ADAMTS2: variants seen among roughly 807,000 people sequenced by gnomAD.
ADAMTS2 encodes the protein ADAM metallopeptidase with thrombospondin type 1 motif 2.
A neutral mutation model predicts 123.0 loss-of-function variants in ADAMTS2; 50 were observed. The ratio of observed to expected loss-of-function variants is 0.41; its 90% CI spans 0.32 to 0.51. The LOEUF is 0.51. Among genes scored for constraint, ADAMTS2 ranks in the 20% least tolerant of loss-of-function variants. ADAMTS2 has a pLI of 0.35. For synonymous variants in ADAMTS2, 678 were observed against 695.4 expected, an observed-to-expected ratio of 0.98 and a Z score of 0.39; for missense variants, 1,494 against 1,705.2, an observed-to-expected ratio of 0.88 and a Z score of 2.18.
chr5:179,344,742 A>T (rs1757891265), intron 1 of ADAMTS2, among the ~76,000 whole-genome samples: 1 of 152,066 alleles, frequency 6.6e-6, no homozygotes, highest in African/African-American at 2.4e-5. Context: ...GGAGGGGTGG[A>T]ACAGGGTCCC....
rs567081877 is a variant in ADAMTS2 at position 179,303,034 on chromosome 5, G to T, written c.535-29970C>A. Among the ~76,000 whole-genome samples, 120 of 152,000 alleles carry T rather than the reference G, an allele frequency of 7.9e-4. No homozygotes were observed. Among genetic ancestry groups the T allele is most frequent in the African/African-American group, 2.8e-3 (114 of 41,452 alleles). On this transcript the variant is annotated intron_variant, in intron 2 of 21. Transcript: ENST00000251582. This position sits in a 1 kb window ranked among gnomAD's most constrained non-coding sequence, Gnocchi z 4.7. ...CAGGAGGTCAGAGTGGTGGGCGGGGGCAGACTGCACAGAGCTTCCTCTGCT... is the reference window on the plus strand; with the variant it reads ...CAGGAGGTCAGAGTGGTGGGCGGGGTCAGACTGCACAGAGCTTCCTCTGCT...
chr5:179,315,777 C>T (rs757083744), intron 2 of ADAMTS2, among the ~76,000 whole-genome samples: 11 of 152,246 alleles, frequency 7.2e-5, no homozygotes, highest in Middle Eastern at 3.4e-3. Flanking sequence ...GTGGCTGCAC[C>T]GAAGAGCAGA....
chr5:179,333,048 C>A (rs764567632), intron 2 of ADAMTS2, among the ~76,000 whole-genome samples: 1 of 152,190 alleles, frequency 6.6e-6, no homozygotes, highest in East Asian at 1.9e-4. Flanking sequence ...CATGCGACGG[C>A]GGCTGCCTTC....
At chr5:179,329,116 A>T (rs531624301) in intron 2 of ADAMTS2, among the ~76,000 whole-genome samples, 14 of 152,304 alleles carry the variant, frequency 9.2e-5, no homozygotes, top group African/African-American at 2.6e-4. Flanking sequence ...TCACGAGGTC[A>T]GGAGATGGAG....
rs1042624885 is a variant in ADAMTS2, at chr5:179,121,456, A to G, written c.3178+205T>C. On this transcript the variant is annotated intron_variant, in intron 21 of 21. Transcript: ENST00000251582. Reference sequence around the variant, plus strand: ...ATCACCAACCAGGTTCGGCCCCAGCAGAGGCCCGAGCCCCCGCCAGCAGGC... The same window carrying G: ...ATCACCAACCAGGTTCGGCCCCAGCGGAGGCCCGAGCCCCCGCCAGCAGGC... 7 of 404,236 alleles carry G rather than the reference A, an allele frequency of 1.7e-5. No homozygotes were observed. The South Asian group carries it at 4.1e-4, about 24-fold the overall frequency. 25.0% of individuals were successfully genotyped at this position (404,236 alleles called of 1,614,324 possible).
At chr5:179,300,094 CAAAAAAA>C (rs59939578) in intron 2 of ADAMTS2, among the ~76,000 whole-genome samples, 1 of 102,334 alleles carries the variant, frequency 9.8e-6, no homozygotes, top group African/African-American at 3.9e-5. Context: ...GACTCCGTCT[CAAAAAAA>C]AAAAAAAAAA....
chr5:179,205,325 T>A (rs1287558695), intron 4 of ADAMTS2, among the ~76,000 whole-genome samples: 2 of 152,190 alleles, frequency 1.3e-5, no homozygotes, highest in Admixed American at 1.3e-4. Context: ...ACTGTCATGA[T>A]AACAAAACCA....
At chr5:179,216,838 C>T (rs1438799238) in intron 3 of ADAMTS2, among the ~76,000 whole-genome samples, 3 of 152,240 alleles carry the variant, frequency 2.0e-5, no homozygotes, top group Admixed American at 6.5e-5. Flanking sequence ...ATACAGGTAG[C>T]AAACGGTGCT....
At chr5:179,172,476 G>A (rs936098337) in intron 5 of ADAMTS2, among the ~76,000 whole-genome samples, 1 of 152,250 alleles carries the variant, frequency 6.6e-6, no homozygotes, top group East Asian at 1.9e-4. Context: ...CCAGGAGGGT[G>A]GTGCCTGCTA....
rs1348931199 is a variant in ADAMTS2, at chr5:179,303,604, C to T, written c.535-30540G>A. ...AGCTCAAGGATAGAAAAAGCATTTCCGAATGCTCAGAGCCAAGCCAACACC... is the reference window on the plus strand; with the variant it reads ...AGCTCAAGGATAGAAAAAGCATTTCTGAATGCTCAGAGCCAAGCCAACACC... On this transcript the variant is annotated intron_variant, in intron 2 of 21. Transcript: ENST00000251582. The surrounding 1 kb of genome is among the most constrained non-coding windows in gnomAD (Gnocchi z 4.7). Among the ~76,000 whole-genome samples the T allele has an allele frequency of 6.6e-6, 1 of 152,190 alleles. No individual in the cohort carries two copies. The highest frequency in any genetic ancestry group is 1.5e-5 in the Non-Finnish European group (1 of 68,040).
At chr5:179,278,782 C>T (rs945698472) in intron 2 of ADAMTS2, among the ~76,000 whole-genome samples, 6 of 152,018 alleles carry the variant, frequency 3.9e-5, no homozygotes, top group Admixed American at 2.0e-4. Flanking sequence ...TGGTAGTACC[C>T]GGGTCATCAA....
intron 4 of ADAMTS2, among the ~76,000 whole-genome samples, chr5:179,195,275 G>A (rs1030481605): frequency 6.6e-6 from 1 of 152,118 alleles, no homozygotes; most frequent in African/African-American, 2.4e-5. Flanking sequence ...CACTTTCCTG[G>A]TGTTCAACTC....
chr5:179,299,530 AACACACAC>A lies in ADAMTS2; in HGVS notation c.535-26474_535-26467del, dbSNP rs3986821. Among the ~76,000 whole-genome samples the A allele has an allele frequency of 2.0e-3, 241 of 120,522 alleles. 1 individual carries two copies. The highest frequency in any genetic ancestry group is 6.8e-3 in the African/African-American group (215 of 31,764). The allele number at this position is 120,522 out of a possible 152,430, so 79.1% of individuals were successfully genotyped here. On this transcript the variant is annotated intron_variant, in intron 2 of 21. Coordinates refer to ENST00000251582, the MANE Select transcript of ADAMTS2 (RefSeq NM_014244.5). ...GGCAACAGATCAAGACTCCAACTCAAACACACACACACACACACACACACACACACATT... is the reference window on the plus strand; with the variant it reads ...GGCAACAGATCAAGACTCCAACTCAAACACACACACACACACACACACATT...
Position 179,158,798 on chromosome 5 carries a change from C to T in ADAMTS2, c.1057G>A (p.Asp353Asn), listed in dbSNP as rs1264410712. ...TCGTGGTATTCATCGTGGCCCGTGT[C>T]TGGCTTCTGCTGGAGGTAGGCCCAG... ...CRWAYLQQKP[D>N]TGHDEYHDHA... The change falls in exon 6 of 22, where the codon GAC (aspartate) becomes AAC (asparagine). Residue 353 changes from aspartate to asparagine, a missense_variant. Around this residue, in one of 6 missense-constraint regions of ADAMTS2, gnomAD observed 70 missense variants for 85.3 expected, o/e 0.82. Transcript: ENST00000251582. This position sits in a 1 kb window ranked among gnomAD's most constrained non-coding sequence, Gnocchi z 5.0. 2.5e-6 allele frequency: 4 copies of T among 1,614,114 alleles called. No homozygotes were observed. Among genetic ancestry groups the T allele is most frequent in the Admixed American group, 3.3e-5 (2 of 60,010 alleles).
At chr5:179,204,839 C>T (rs934644205) in intron 4 of ADAMTS2, among the ~76,000 whole-genome samples, 6 of 152,216 alleles carry the variant, frequency 3.9e-5, no homozygotes, top group East Asian at 3.9e-4. Context: ...CTCTCTGCCA[C>T]GCCCCGCCGC....
intron 10 of ADAMTS2, among the ~76,000 whole-genome samples, chr5:179,147,869 G>C (rs1302787894): frequency 6.6e-6 from 1 of 152,204 alleles, no homozygotes; most frequent in African/African-American, 2.4e-5. Flanking sequence ...GGAATGAAAA[G>C]AGAAGTGCTG....
intron 3 of ADAMTS2, among the ~76,000 whole-genome samples, chr5:179,229,225 T>C (rs976034881): frequency 3.3e-5 from 5 of 152,138 alleles, no homozygotes; most frequent in African/African-American, 4.8e-5. Flanking sequence ...TTAAGTGACT[T>C]GGCCGTGATC....
At chr5:179,153,445 T>TC (rs556856870) in intron 9 of ADAMTS2, 46 bp downstream of exon 9, 2 of 1,599,824 alleles carry the variant, frequency 1.3e-6, no homozygotes, top group East Asian at 2.2e-5. Context: ...CCAGCACGCC[T>TC]CCCCCCAGAC....
chr5:179,126,027 C>T lies in ADAMTS2; in HGVS notation c.2721G>A (p.Ala907=), dbSNP rs373304304. Reference sequence around the variant, plus strand: ...GCTGGGAGCATTCCTGTGGGTTGCACGCTCTGCGGATGGCTTTGGGCTTCG... The same window carrying T: ...GCTGGGAGCATTCCTGTGGGTTGCATGCTCTGCGGATGGCTTTGGGCTTCG... The part of the protein sequence containing the change: ...ALSKPKAIRR[A]CNPQECSQPV... Residue 907 remains alanine, a synonymous_variant, in exon 18 of 22, where the codon GCG becomes GCA. Transcript: ENST00000251582. 55 of 1,613,334 alleles carry T rather than the reference C, an allele frequency of 3.4e-5. No homozygotes were observed. The highest frequency in any genetic ancestry group is 3.1e-5 in the Non-Finnish European group (37 of 1,180,032).
Sources: allele counts gnomAD v4.1 joint callset (sites outside exome capture counted in the v4.1 genomes callset), GRCh38; gene constraint gnomAD v4.1.1; regional missense constraint gnomAD v4.1.1; non-coding constraint Gnocchi (gnomAD v3.1); transcripts MANE v1.5; gene names NCBI Gene and HGNC (gene_info 2026-07-23, HGNC 2026-07-21).